The following GC variants were observed in gnomAD, a reference collection of about 807,000 sequenced individuals.
The protein encoded by GC is vitamin D-binding protein.
In GC, 43 loss-of-function variants were observed where a neutral mutation model predicts 56.7. The ratio of observed to expected loss-of-function variants is 0.76; its 90% CI spans 0.59 to 0.98. The LOEUF (loss-of-function observed/expected upper bound fraction) is 0.98, where lower values mean the gene tolerates loss of function less well. Ranked by LOEUF, GC falls within the 50% of genes least tolerant of loss-of-function variation. The pLI, the probability that GC is intolerant of heterozygous loss-of-function variation, is 0.00. For synonymous variants in GC, 216 were observed against 202.7 expected, an observed-to-expected ratio of 1.07 and a Z score of -0.56; for missense variants, 529 against 545.9, an observed-to-expected ratio of 0.97 and a Z score of 0.31.
chr4:71,798,895 CCTTTTA>C (rs1743178975), intron 1 of GC, among the ~76,000 whole-genome samples: 2 of 152,192 alleles, frequency 1.3e-5, no homozygotes, highest in African/African-American at 2.4e-5. Context: ...TCTCATATAT[CCTTTTA>C]CTTTTAAGAA....
chr4:71,757,011 A>G (rs1307171187), intron 7 of GC, 97 bp from the exon 8 acceptor site: 6 of 827,514 alleles, frequency 7.3e-6, no homozygotes, highest in South Asian at 1.6e-5. Flanking sequence ...CATCACATTT[A>G]TGAAAGTCAG....
intron 1 of GC, among the ~76,000 whole-genome samples, chr4:71,775,814 A>G (rs1252105737): frequency 1.3e-5 from 2 of 152,032 alleles, no homozygotes; most frequent in East Asian, 3.9e-4. Flanking sequence ...TAACAAGAAA[A>G]CCAATAACCG....
At chr4:71,762,981 A>G (rs1742033678) in intron 6 of GC, among the ~76,000 whole-genome samples, 1 of 152,248 alleles carries the variant, frequency 6.6e-6, no homozygotes, top group Non-Finnish European at 1.5e-5. Flanking sequence ...TATATACTGT[A>G]TAGCACAAGT....
intron 1 of GC, among the ~76,000 whole-genome samples, chr4:71,796,594 G>A (rs971134780): frequency 6.6e-6 from 1 of 152,084 alleles, no homozygotes; most frequent in African/African-American, 2.4e-5. Flanking sequence ...GAGCTTCCTT[G>A]TGATGGGTTA....
intron 1 of GC, among the ~76,000 whole-genome samples, chr4:71,781,169 G>C (rs1164928124): frequency 3.3e-5 from 5 of 151,934 alleles, no homozygotes; most frequent in African/African-American, 1.2e-4. Context: ...CTCACTCATA[G>C]TTGGGAGTTG....
intron 3 of GC, among the ~76,000 whole-genome samples, 153 bp downstream of exon 3, chr4:71,768,148 T>C (rs1742216208): frequency 6.6e-6 from 1 of 152,192 alleles, no homozygotes; most frequent in Non-Finnish European, 1.5e-5. Context: ...TATGTTAGAA[T>C]AAACCAGGCT....
At chr4:71,796,514 A>G (rs959648921) in intron 1 of GC, among the ~76,000 whole-genome samples, 1 of 152,182 alleles carries the variant, frequency 6.6e-6, no homozygotes, top group African/African-American at 2.4e-5. Flanking sequence ...CAGCTCCATC[A>G]GGTCATTTAT....
intron 1 of GC, among the ~76,000 whole-genome samples, chr4:71,772,878 G>T (rs776398391): frequency 2.0e-5 from 3 of 152,040 alleles, no homozygotes; most frequent in Non-Finnish European, 4.4e-5. Context: ...AAATTCATTT[G>T]CCCAAAGAGA....
chr4:71,744,438 G>A, intron 12 of GC, among the ~76,000 whole-genome samples: 2 of 66,810 alleles, frequency 3.0e-5, no homozygotes, highest in Non-Finnish European at 6.5e-5. Context: ...CAGCCTGGGA[G>A]ACAGAGCGAG....
intron 11 of GC, among the ~76,000 whole-genome samples, chr4:71,746,809 G>A (rs1217093459): frequency 7.1e-6 from 1 of 141,698 alleles, no homozygotes; most frequent in Admixed American, 7.1e-5. Flanking sequence ...CTTTAATTTG[G>A]AGGCAATGAG....
In GC at chr4:71,743,643, A is replaced by G. The variant is rs568024841; in HGVS notation, c.*26-1773T>C. Among the ~76,000 whole-genome samples the G allele has an allele frequency of 6.0e-4, 91 of 152,326 alleles. 3 individuals carry two copies. The South Asian group carries it at 0.014, about 23-fold the overall frequency. On this transcript the variant is annotated intron_variant, in intron 12 of 12. Coordinates refer to ENST00000273951, the MANE Select transcript of GC (RefSeq NM_000583.4). ...GTTGGTTGTGTTCTGGAAACCTAAGATAAGTGGTAAAGTTGTGGTCTCATT... is the reference window on the plus strand; with the variant it reads ...GTTGGTTGTGTTCTGGAAACCTAAGGTAAGTGGTAAAGTTGTGGTCTCATT...
At chr4:71,796,364 T>C (rs2149310244) in intron 1 of GC, among the ~76,000 whole-genome samples, 1 of 152,328 alleles carries the variant, frequency 6.6e-6, no homozygotes, top group African/African-American at 2.4e-5. Flanking sequence ...TTTGTTTCTG[T>C]TTACTCTTTT....
At chr4:71,797,110 G>C (rs904376462) in intron 1 of GC, among the ~76,000 whole-genome samples, 1 of 152,226 alleles carries the variant, frequency 6.6e-6, no homozygotes, top group Non-Finnish European at 1.5e-5. Flanking sequence ...AGCCCCTACT[G>C]TGAGATGTCT....
intron 1 of GC, chr4:71,803,819 A>G (rs537359472): frequency 2.4e-5 from 17 of 707,792 alleles, no homozygotes; most frequent in African/African-American, 8.8e-5. Flanking sequence ...TTGCACAGAA[A>G]TCCTCTGTGT....
intron 1 of GC, 27 bp downstream of exon 1, chr4:71,783,934 A>G: frequency 1.3e-6 from 2 of 1,542,594 alleles, no homozygotes; most frequent in South Asian, 1.2e-5. Context: ...GAATTCCTGT[A>G]AATGGTCACA....
intron 9 of GC, 135 bp downstream of exon 9, chr4:71,754,843 A>G: frequency 1.7e-6 from 1 of 605,272 alleles, no homozygotes; most frequent in Non-Finnish European, 2.9e-6. Flanking sequence ...CCAACAATGT[A>G]AAAATGTAAA....
In GC at chr4:71,803,985, T is replaced by C. The variant is rs1252553608; in HGVS notation, c.-39A>G. The C allele has an allele frequency of 3.9e-6, 5 of 1,290,236 alleles. No individual in the cohort carries two copies. The African/African-American group carries it at 5.8e-5, about 15-fold the overall frequency. The allele number at this position is 1,290,236 out of a possible 1,614,324, so 79.9% of individuals were successfully genotyped here. The stretch of plus-strand genomic sequence containing the variant: ...GACTAGTCCAGATCATCACCAGTGG[T>C]AGAATAGGTAGATATCATTCTCCTG... On this transcript the variant is annotated 5_prime_UTR_variant, in exon 1 of 14. Coordinates refer to the GC transcript ENST00000504199.
At chr4:71,746,282 C>T in intron 11 of GC, 77 bp from the exon 12 acceptor site, 1 of 672,414 alleles carries the variant, frequency 1.5e-6, no homozygotes. Context: ...AGAAGGTATA[C>T]AAAATCTTGA....
upstream of GC, among the ~76,000 whole-genome samples, chr4:71,788,019 A>G (rs567665172): frequency 5.6e-4 from 85 of 151,834 alleles, 1 homozygote; most frequent in Non-Finnish European, 8.5e-4. Context: ...CAGTGCTCCT[A>G]CTATAGCTAA....
Sources: gnomAD v4.1 joint callset for allele counts (sites outside exome capture counted in the v4.1 genomes callset) on GRCh38, gnomAD v4.1.1 for gene constraint, MANE v1.5 for transcripts, NCBI Gene and HGNC (gene_info 2026-07-23, HGNC 2026-07-21) for gene names.